Variants in NCAM1 observed in about 807,000 individuals in gnomAD.
NCAM1 encodes the protein neural cell adhesion molecule 1, also known as antigen recognized by monoclonal antibody 5.1H11.
A neutral mutation model predicts 109.8 loss-of-function variants in NCAM1; 14 were observed. The ratio of observed to expected loss-of-function variants is 0.13; its 90% CI spans 0.08 to 0.20. The LOEUF is 0.20. NCAM1 is among the 10% of genes least tolerant of loss of function. The pLI is 1.00. For synonymous variants in NCAM1, 418 were observed against 442.9 expected (o/e 0.94, Z 0.70); for missense variants, 774 against 1,109.9 (o/e 0.70, Z 4.30).
intron 1 of NCAM1, among the ~76,000 whole-genome samples, chr11:113,084,611 CAGTATT>C (rs1267513736): frequency 6.6e-6 from 1 of 152,134 alleles, no homozygotes; most frequent in Admixed American, 6.5e-5. Context: ...CCATGAAACA[CAGTATT>C]AGAGAGTCAG....
At chr11:113,270,866 T>A (rs1335390394) in intron 18 of NCAM1, among the ~76,000 whole-genome samples, 3 of 152,164 alleles carry the variant, frequency 2.0e-5, no homozygotes, top group South Asian at 4.2e-4. Context: ...CAGATAGAAA[T>A]TCTTGTCCTT....
chr11:113,057,828 C>G (rs1239995394), intron 1 of NCAM1, among the ~76,000 whole-genome samples: 1 of 152,200 alleles, frequency 6.6e-6, no homozygotes, highest in African/African-American at 2.4e-5. Context: ...GTGCATGTAG[C>G]TCATCCAAGG....
intron 1 of NCAM1, among the ~76,000 whole-genome samples, chr11:113,065,199 A>G (rs541072195): frequency 6.6e-6 from 1 of 152,364 alleles, no homozygotes; most frequent in Non-Finnish European, 1.5e-5. Context: ...AAAGAAATAA[A>G]AGTATTGGAT....
chr11:113,129,666 G>A (rs1412210246), intron 1 of NCAM1, among the ~76,000 whole-genome samples: 1 of 152,120 alleles, frequency 6.6e-6, no homozygotes. Flanking sequence ...TGCCATAGGA[G>A]CCCAAAAATG....
chr11:113,175,007 C>G (rs782041535), intron 1 of NCAM1, among the ~76,000 whole-genome samples: 23 of 152,332 alleles, frequency 1.5e-4, no homozygotes, highest in Admixed American at 3.3e-4. Context: ...AAGGCTTCCT[C>G]CATGGAACTC....
chr11:113,159,314 A>T (rs1223841211), intron 1 of NCAM1, among the ~76,000 whole-genome samples: 1 of 152,184 alleles, frequency 6.6e-6, no homozygotes, highest in East Asian at 1.9e-4. Flanking sequence ...ATATTTCTTA[A>T]GTGAGATGTT....
Position 113,235,122 on chromosome 11 carries a change from G to A in NCAM1, c.1783G>A (p.Gly595Ser), listed in dbSNP as rs1555118013. 3 of 1,612,614 alleles carry A rather than the reference G, an allele frequency of 1.9e-6. No individual in the cohort carries two copies. Among genetic ancestry groups the A allele is most frequent in the Admixed American group, 3.3e-5 (2 of 59,832 alleles). ...GGCGGCGCTCAATGGCAAAGGGCTGGGTGAGATCAGCGCGGCCTCCGAGTT... is the reference window on the plus strand; with the variant it reads ...GGCGGCGCTCAATGGCAAAGGGCTGAGTGAGATCAGCGCGGCCTCCGAGTT... Reference protein sequence around the residue: ...RLAALNGKGLGEISAASEFKT... With the variant: ...RLAALNGKGLSEISAASEFKT... Residue 595 changes from glycine (G) to serine (S), a missense_variant, in exon 14 of 20, where the codon GGT becomes AGT. Gly to Ser is a moderately conservative substitution (Grantham distance 56). Coordinates refer to ENST00000316851, the MANE Select transcript of NCAM1 (RefSeq NM_181351.5).
intron 1 of NCAM1, among the ~76,000 whole-genome samples, chr11:113,061,217 A>G (rs1937625860): frequency 6.6e-6 from 1 of 152,098 alleles, no homozygotes; most frequent in Non-Finnish European, 1.5e-5. Context: ...TATCCTCTAT[A>G]TTGTTGCAAT....
intron 1 of NCAM1, among the ~76,000 whole-genome samples, chr11:113,026,681 A>G (rs569473790): frequency 6.0e-4 from 91 of 152,298 alleles, no homozygotes; most frequent in African/African-American, 2.1e-3. Context: ...AGCCAGACAC[A>G]TGGTTAGATG....
At chr11:113,271,349 G>A (rs564702778) in intron 18 of NCAM1, among the ~76,000 whole-genome samples, 22 of 117,614 alleles carry the variant, frequency 1.9e-4, no homozygotes, top group Admixed American at 7.3e-4. Flanking sequence ...CAGCCTGGGC[G>A]ACATAGAGAG....
chr11:113,124,580 G>C (rs1345411974), intron 1 of NCAM1, among the ~76,000 whole-genome samples: 1 of 152,206 alleles, frequency 6.6e-6, no homozygotes, highest in Non-Finnish European at 1.5e-5. Flanking sequence ...TAGTCTTGCG[G>C]TTCATTACAT....
At chr11:113,159,879 CT>C (rs1555104061) in intron 1 of NCAM1, among the ~76,000 whole-genome samples, 2 of 131,712 alleles carry the variant, frequency 1.5e-5, no homozygotes, top group Non-Finnish European at 3.1e-5. Flanking sequence ...ACAACAGGCC[CT>C]GGTGTGTGAT....
At chr11:112,974,974 T>G (rs1950970027) in intron 1 of NCAM1, among the ~76,000 whole-genome samples, 1 of 152,036 alleles carries the variant, frequency 6.6e-6, no homozygotes, top group African/African-American at 2.4e-5. Context: ...TAAAATCTTT[T>G]TTGAAGTCTT....
At chr11:113,177,931 C>T (rs1446146269) in intron 1 of NCAM1, among the ~76,000 whole-genome samples, 1 of 152,058 alleles carries the variant, frequency 6.6e-6, no homozygotes, top group Non-Finnish European at 1.5e-5. Context: ...AAAGGAATGC[C>T]TACAGCAGCA....
intron 1 of NCAM1, among the ~76,000 whole-genome samples, chr11:113,107,879 G>A (rs1245116): frequency 6.6e-6 from 1 of 152,294 alleles, no homozygotes; most frequent in Admixed American, 6.5e-5. Context: ...CCCAGCAGAA[G>A]TCCACAAGCA....
At chr11:113,263,205 A>G in intron 17 of NCAM1, 1 of 1,102,858 alleles carries the variant, frequency 9.1e-7, no homozygotes, top group East Asian at 5.7e-5. Flanking sequence ...AAAAACCATC[A>G]TGCTAGATTT....
At chr11:113,110,083 A>G (rs1940378507) in intron 1 of NCAM1, among the ~76,000 whole-genome samples, 1 of 152,164 alleles carries the variant, frequency 6.6e-6, no homozygotes, top group Non-Finnish European at 1.5e-5. Context: ...CGTGTTTTTA[A>G]TATATGTATA....
intron 19 of NCAM1, among the ~76,000 whole-genome samples, chr11:113,272,565 T>C (rs1186952089): frequency 6.6e-6 from 1 of 151,952 alleles, no homozygotes; most frequent in African/African-American, 2.4e-5. Flanking sequence ...AGGTGGATGC[T>C]GAACAGAAGC....
intron 1 of NCAM1, among the ~76,000 whole-genome samples, chr11:113,054,652 G>A (rs993818328): frequency 2.0e-5 from 3 of 152,284 alleles, no homozygotes; most frequent in South Asian, 2.1e-4. Context: ...TAACCTCCTC[G>A]GCTTTTTGGG....
Sources: allele counts gnomAD v4.1 joint callset (sites outside exome capture counted in the v4.1 genomes callset), GRCh38; gene constraint gnomAD v4.1.1; transcripts MANE v1.5; gene names NCBI Gene and HGNC (gene_info 2026-07-23, HGNC 2026-07-21).